The following CFAP46 variants were observed in gnomAD, a reference collection of about 807,000 sequenced individuals.
CFAP46 encodes the protein cilia- and flagella-associated protein 46.
In CFAP46, 245 loss-of-function variants were observed where a neutral mutation model predicts 325.7. The ratio of observed to expected loss-of-function variants is 0.75; its 90% CI spans 0.68 to 0.84. The LOEUF (loss-of-function observed/expected upper bound fraction) is 0.84, where lower values mean the gene tolerates loss of function less well. Ranked by LOEUF, CFAP46 falls within the 40% of genes least tolerant of loss-of-function variation. The pLI is 0.00. For missense variants in CFAP46, 3,346 were observed against 3,543.0 expected (o/e 0.94, Z 1.41); for synonymous variants, 1,523 against 1,495.9 (o/e 1.02, Z -0.42).
Position 132,908,470 on chromosome 10 carries a change from C to T in CFAP46, c.2922G>A (p.Gly974=), listed in dbSNP as rs1849491652. The change falls in exon 22 of 58, where the codon GGG becomes GGA. Residue 974 remains glycine (G), a splice_region_variant and synonymous_variant. Coordinates refer to ENST00000368586, the MANE Select transcript of CFAP46 (RefSeq NM_001200049.3). The part of the protein sequence containing the change: ...EMGIKYLKKF[G]PEESRLVAEM... Reference sequence around the variant, plus strand: ...GTCCAGTCATGAGGGTTACTTACGGCCCAAATTTCTTCAGGTACTTGATGC... The same window carrying T: ...GTCCAGTCATGAGGGTTACTTACGGTCCAAATTTCTTCAGGTACTTGATGC... 6.4e-7 allele frequency: 1 copy of T among 1,550,420 alleles called. No individual in the cohort carries two copies.
rs371024735 is a variant in CFAP46 at position 132,868,109 on chromosome 10, T to C, written c.4611-602A>G. ...CCCAGGGCGTTTTCGTCCTCTGACC[T>C]CTGACCCTCTCCCGAGGCCTGCACG... On this transcript the variant is annotated intron_variant, in intron 33 of 57. Transcript: ENST00000368586. 3.5e-3 allele frequency among the ~76,000 whole-genome samples: 527 copies of C among 152,298 alleles called. 6 individuals carry two copies. Among genetic ancestry groups the C allele is most frequent in the African/African-American group, 0.012 (501 of 41,568 alleles).
chr10:132,836,099 G>T, intron 46 of CFAP46, 43 bp downstream of exon 46: 2 of 1,333,494 alleles, frequency 1.5e-6, no homozygotes. Context: ...CCCATGCTCC[G>T]CCTGCCCTGC....
rs1465576890 is a variant in CFAP46, at chr10:132,916,629, G to T, written c.2040C>A (p.Ile680=). 1.3e-6 allele frequency: 2 copies of T among 1,540,252 alleles called. No homozygotes were observed. The highest frequency in any genetic ancestry group is 1.2e-5 in the South Asian group (1 of 82,686). Residue 680 remains isoleucine, a synonymous_variant, in exon 17 of 58, where the codon ATC becomes ATA. Transcript: ENST00000368586. The part of the protein sequence containing the change: ...SEGVELNDRA[I]PPEDLSQHPA... ...GGTGCTGGCTCAGGTCTTCGGGGGGGATGGCCCGGTCATTCAGCTCTACAC... is the reference window on the plus strand; with the variant it reads ...GGTGCTGGCTCAGGTCTTCGGGGGGTATGGCCCGGTCATTCAGCTCTACAC...
At chr10:132,883,674 A>G (rs114355241) in intron 27 of CFAP46, among the ~76,000 whole-genome samples, 2,601 of 152,342 alleles carry the variant, frequency 0.017, 34 homozygotes, top group South Asian at 0.044. Context: ...AATGCTGACC[A>G]CAGCATTCCT....
At chr10:132,816,981 A>G (rs946419389) in intron 50 of CFAP46, among the ~76,000 whole-genome samples, 1 of 152,154 alleles carries the variant, frequency 6.6e-6, no homozygotes, top group Non-Finnish European at 1.5e-5. Flanking sequence ...AAGATTGCAA[A>G]TCGCCACTTT....
At chr10:132,940,641 G>A (rs923984304) in intron 4 of CFAP46, among the ~76,000 whole-genome samples, 1 of 151,984 alleles carries the variant, frequency 6.6e-6, no homozygotes. Flanking sequence ...GCAGTGGCGT[G>A]ATCTGGGCTC....
chr10:132,906,540 C>T (rs1271837815), intron 22 of CFAP46, among the ~76,000 whole-genome samples: 1 of 100,372 alleles, frequency 1.0e-5, no homozygotes, highest in African/African-American at 3.8e-5. Flanking sequence ...GAAGAGTGAA[C>T]GGGGTCCTGG....
chr10:132,913,236 G>A lies in CFAP46; in HGVS notation c.2143C>T (p.Arg715Trp), dbSNP rs772062327. 4.5e-5 allele frequency: 70 copies of A among 1,550,392 alleles called. No individual in the cohort carries two copies. Among genetic ancestry groups the A allele is most frequent in the Admixed American group, 1.4e-4 (7 of 51,004 alleles). The change falls in exon 18 of 58, where the codon CGG becomes TGG. Residue 715 changes from arginine (R) to tryptophan (W), a missense_variant. By Grantham distance (101) the Arg-to-Trp change is moderately radical (BLOSUM62 -3). Coordinates refer to ENST00000368586, the MANE Select transcript of CFAP46 (RefSeq NM_001200049.3). Reference protein sequence around the residue: ...TYRTWIESLSRCAMNNWLRSA... With the variant: ...TYRTWIESLSWCAMNNWLRSA... The stretch of plus-strand genomic sequence containing the variant: ...CGCAGCCAGTTATTCATGGCACACC[G>A]GGACAGACTCTCGATCCAGGTTCTG...
intron 4 of CFAP46, among the ~76,000 whole-genome samples, chr10:132,940,527 G>C (rs977470810): frequency 2.0e-5 from 3 of 152,204 alleles, no homozygotes; most frequent in Non-Finnish European, 4.4e-5. Context: ...GAACCGTGGG[G>C]AAGGAGAAGG....
chr10:132,872,734 C>G lies in CFAP46; in HGVS notation c.4453G>C (p.Val1485Leu), dbSNP rs1308994220. Residue 1485 changes from valine to leucine, a missense_variant, in exon 32 of 58, where the codon GTG becomes CTG. Transcript: ENST00000368586. ...CCCACCACGGAGTCCGAAATCAGCACCCCCAACTGCAGGACGGGAACCGTG... is the reference window on the plus strand; with the variant it reads ...CCCACCACGGAGTCCGAAATCAGCAGCCCCAACTGCAGGACGGGAACCGTG... ...ELTVPVLQLG[V>L]LISDSVVGSK... is the part of the protein sequence containing the mutation. 23 of 1,550,722 alleles carry G rather than the reference C, an allele frequency of 1.5e-5. No homozygotes were observed. The East Asian group carries it at 4.9e-4, about 33-fold the overall frequency.
intron 9 of CFAP46, chr10:132,929,318 G>T: frequency 1.6e-6 from 1 of 607,710 alleles, no homozygotes; most frequent in South Asian, 2.0e-5. Context: ...GCTGTCTGCA[G>T]GTAACAAACT....
At chr10:132,815,405 G>A (rs778005209) in intron 50 of CFAP46, among the ~76,000 whole-genome samples, 13 of 152,184 alleles carry the variant, frequency 8.5e-5, no homozygotes, top group Non-Finnish European at 1.8e-4. Flanking sequence ...CGGAATGGAC[G>A]CACGCATGGG....
intron 8 of CFAP46, among the ~76,000 whole-genome samples, chr10:132,934,105 T>C (rs1849955223): frequency 6.6e-6 from 1 of 152,248 alleles, no homozygotes; most frequent in African/African-American, 2.4e-5. Flanking sequence ...TAATACACCT[T>C]CTCTGTTAGT....
At chr10:132,912,287 C>CCT (rs371829834) in intron 19 of CFAP46, among the ~76,000 whole-genome samples, 15 of 79,310 alleles carry the variant, frequency 1.9e-4, no homozygotes, top group African/African-American at 8.6e-4. Context: ...CCTCTCTCCT[C>CCT]CTCTCTCTCT....
intron 41 of CFAP46, among the ~76,000 whole-genome samples, chr10:132,848,974 C>G (rs1848488969): frequency 6.6e-6 from 1 of 152,170 alleles, no homozygotes; most frequent in Admixed American, 6.5e-5. Flanking sequence ...AAGAAAAAAC[C>G]CAGAAAAACC....
chr10:132,844,226 G>A (rs1377893044), intron 44 of CFAP46, among the ~76,000 whole-genome samples: 3 of 152,024 alleles, frequency 2.0e-5, no homozygotes, highest in Non-Finnish European at 2.9e-5. Flanking sequence ...CCAGGGTGCT[G>A]TGGGGCTCTC....
At chr10:132,867,111 C>T (rs1324660601) in intron 34 of CFAP46, among the ~76,000 whole-genome samples, 2 of 151,328 alleles carry the variant, frequency 1.3e-5, no homozygotes, top group Non-Finnish European at 3.0e-5. Context: ...CAGCCCCACA[C>T]AAACAGACAC....
rs535223921 is a variant in CFAP46 at position 132,859,156 on chromosome 10, G to A, written c.5290C>T (p.Leu1764=). ...SLLLKEMDDG[L]LEIERKFIDC... ...ATAAACTTTCTCTCAATTTCCAACA[G>A]GCCATCATCCATCTCTTTCAGTAGC... The change falls in exon 38 of 58, where the codon CTG becomes TTG. Residue 1764 remains leucine (L), a synonymous_variant. Transcript: ENST00000368586. 1.0e-4 allele frequency: 160 copies of A among 1,550,880 alleles called. No homozygotes were observed. In the South Asian group the frequency reaches 1.8e-3, roughly 18 times the overall value.
chr10:132,870,142 G>T (rs965707636), intron 32 of CFAP46, among the ~76,000 whole-genome samples: 1 of 152,138 alleles, frequency 6.6e-6, no homozygotes, highest in African/African-American at 2.4e-5. Context: ...GGTTACCATT[G>T]TAATTGTTTT....
Sources: gnomAD v4.1 joint callset for allele counts (sites outside exome capture counted in the v4.1 genomes callset) on GRCh38, gnomAD v4.1.1 for gene constraint, MANE v1.5 for transcripts, NCBI Gene and HGNC (gene_info 2026-07-23, HGNC 2026-07-21) for gene names.